Variants in MYO16 observed in about 807,000 individuals in gnomAD.
The protein encoded by MYO16 is unconventional myosin-XVI.
In MYO16, 94 loss-of-function variants were observed where a neutral mutation model predicts 205.3. That is an observed-to-expected ratio of 0.46 (90% CI 0.39 to 0.54). MYO16 has a LOEUF of 0.54. Ranked by LOEUF, MYO16 falls within the 20% of genes least tolerant of loss-of-function variation. MYO16 has a pLI of 0.00. For synonymous variants in MYO16, 988 were observed against 954.0 expected (o/e 1.04, Z -0.66); for missense variants, 2,315 against 2,387.5 (o/e 0.97, Z 0.63).
chr13:108,881,277 C>T (rs1259190405), intron 12 of MYO16, among the ~76,000 whole-genome samples: 1 of 152,164 alleles, frequency 6.6e-6, no homozygotes, highest in African/African-American at 2.4e-5. Context: ...CACACCAAAA[C>T]CCCATCTGTA....
intron 16 of MYO16, among the ~76,000 whole-genome samples, chr13:108,935,454 A>T (rs956092689): frequency 1.3e-5 from 2 of 152,304 alleles, no homozygotes; most frequent in Admixed American, 6.5e-5. Flanking sequence ...AGATTTTTCT[A>T]CATAACTTTC....
At chr13:108,554,716 G>A in the MYO16 span, among the ~76,000 whole-genome samples, 6 of 151,864 alleles carry the variant, frequency 4.0e-5, no homozygotes, top group East Asian at 1.9e-4. Flanking sequence ...CAGGAGTGGT[G>A]GCGGGCGCCT....
At chr13:109,113,295 G>A (rs1180266277) in intron 28 of MYO16, among the ~76,000 whole-genome samples, 4 of 150,096 alleles carry the variant, frequency 2.7e-5, no homozygotes, top group African/African-American at 9.9e-5. Context: ...GGAAGGTGAG[G>A]GAGGGAGGGA....
At chr13:109,011,678 C>T (rs562732066) in intron 22 of MYO16, among the ~76,000 whole-genome samples, 1 of 151,788 alleles carries the variant, frequency 6.6e-6, no homozygotes, top group Non-Finnish European at 1.5e-5. Flanking sequence ...CCACACCTGG[C>T]TAATTTTTGT....
intron 31 of MYO16, among the ~76,000 whole-genome samples, chr13:109,138,104 A>ATG (rs1434595049): frequency 6.6e-6 from 1 of 152,258 alleles, no homozygotes; most frequent in Admixed American, 6.5e-5. Flanking sequence ...ATAAAAGGTC[A>ATG]TGCTGAGATT....
In MYO16 at chr13:109,056,465, G is replaced by C. The variant is rs916946968; in HGVS notation, c.3335+870G>C. Among the ~76,000 whole-genome samples, 6 of 152,070 alleles carry C rather than the reference G, an allele frequency of 3.9e-5. No individual in the cohort carries two copies. The South Asian group carries it at 1.2e-3, about 32-fold the overall frequency. ...TGATGAATCCATTTTAAGTAAATTG[G>C]TTGATGGGTAGTAACTTAATTTACA... On this transcript the variant is annotated intron_variant, in intron 27 of 34. Coordinates refer to ENST00000457511, the MANE Select transcript of MYO16 (RefSeq NM_001198950.3).
At chr13:108,561,040 C>T in the MYO16 span, among the ~76,000 whole-genome samples, 1 of 152,048 alleles carries the variant, frequency 6.6e-6, no homozygotes, top group African/African-American at 2.4e-5. Flanking sequence ...TATTTGCTTC[C>T]TGTCTTTTCT....
chr13:108,961,654 A>C lies in MYO16; in HGVS notation c.2153A>C (p.Gln718Pro), dbSNP rs1883587630. The change falls in exon 18 of 35, where the codon CAA becomes CCA. Residue 718 changes from glutamine to proline, a missense_variant and splice_region_variant. By Grantham distance (76) the Gln-to-Pro change is moderately conservative (BLOSUM62 -1). This residue lies in a region of MYO16 where 1,213 missense variants were observed against 1,274.4 expected (regional missense o/e 0.95). Coordinates refer to ENST00000457511, the MANE Select transcript of MYO16 (RefSeq NM_001198950.3). ...GTTTCTGACCTCCAGCTCCTGGAAC[A>C]AGGTCAGTGGAACATGACCTTCTGA... ...AFVSDLQLLEQVAGMLQVSTD... is the reference protein window; with the variant it reads ...AFVSDLQLLEPVAGMLQVSTD... 1.2e-6 allele frequency: 2 copies of C among 1,609,146 alleles called. No individual in the cohort carries two copies. Among genetic ancestry groups the C allele is most frequent in the Non-Finnish European group, 1.7e-6 (2 of 1,175,520 alleles).
At chr13:108,586,885 G>T in the MYO16 span, among the ~76,000 whole-genome samples, 1 of 152,170 alleles carries the variant, frequency 6.6e-6, no homozygotes, top group African/African-American at 2.4e-5. Context: ...ATTCTGAAAA[G>T]CGCCTATTTT....
chr13:108,594,191 A>G (rs147361127), upstream of MYO16, among the ~76,000 whole-genome samples: 206 of 152,320 alleles, frequency 1.4e-3, 3 homozygotes, highest in Middle Eastern at 0.017. Flanking sequence ...CATGAGGCCA[A>G]TCATAGAACT....
the MYO16 span, among the ~76,000 whole-genome samples, chr13:108,559,125 T>C: frequency 6.6e-6 from 1 of 152,164 alleles, no homozygotes; most frequent in African/African-American, 2.4e-5. Flanking sequence ...TTTACAGATG[T>C]AATCAAGTTG....
intron 6 of MYO16, among the ~76,000 whole-genome samples, chr13:108,804,327 T>C (rs907857718): frequency 1.3e-5 from 2 of 152,204 alleles, no homozygotes; most frequent in African/African-American, 4.8e-5. Flanking sequence ...CTGCTGCTAG[T>C]TCACAGCAGA....
At position 109,055,422 on chromosome 13, in the gene MYO16, G is replaced by A; in HGVS notation, c.3162G>A (p.Gln1054=). The change falls in exon 27 of 35, where the codon CAG becomes CAA. Residue 1054 remains glutamine (Q), a synonymous_variant. Coordinates refer to ENST00000457511, the MANE Select transcript of MYO16 (RefSeq NM_001198950.3). The surrounding 1 kb of genome is among the most constrained non-coding windows in gnomAD (Gnocchi z 5.0). Reference sequence around the variant, plus strand: ...TAATGGATATTATTGGAAAACTTCAGAAGTGCACTCCACACTTCATTCATT... The same window carrying A: ...TAATGGATATTATTGGAAAACTTCAAAAGTGCACTCCACACTTCATTCATT... ...KSLMDIIGKL[Q]KCTPHFIHCI... The A allele has an allele frequency of 6.2e-6, 10 of 1,612,814 alleles. No individual in the cohort carries two copies. Among genetic ancestry groups the A allele is most frequent in the Non-Finnish European group, 8.5e-6 (10 of 1,179,334 alleles).
At chr13:109,122,733 A>C (rs553660074) in intron 29 of MYO16, among the ~76,000 whole-genome samples, 36 of 152,182 alleles carry the variant, frequency 2.4e-4, no homozygotes, top group African/African-American at 8.2e-4. Context: ...CAAGATAGAA[A>C]CCATAATCTC....
intron 3 of MYO16, among the ~76,000 whole-genome samples, chr13:108,713,830 A>T (rs1225269101): frequency 3.9e-5 from 6 of 152,208 alleles, no homozygotes; most frequent in Non-Finnish European, 8.8e-5. Context: ...GAGAGATTTC[A>T]AGGTAACGTT....
intron 2 of MYO16, among the ~76,000 whole-genome samples, chr13:108,697,868 G>A (rs548263666): frequency 8.6e-5 from 13 of 151,892 alleles, no homozygotes; most frequent in African/African-American, 2.4e-4. Context: ...GGCTACAGGC[G>A]TGCACCACCA....
intron 9 of MYO16, among the ~76,000 whole-genome samples, chr13:108,829,512 A>G (rs79790752): frequency 0.62 from 93,305 of 151,652 alleles, 29,547 homozygotes; most frequent in Middle Eastern, 0.72. Flanking sequence ...CTAATATCAT[A>G]AAAAACCAGC....
At chr13:108,904,875 G>A (rs1880886790) in intron 15 of MYO16, among the ~76,000 whole-genome samples, 1 of 152,038 alleles carries the variant, frequency 6.6e-6, no homozygotes, top group Non-Finnish European at 1.5e-5. Context: ...TCTTTTAAGG[G>A]TACTATAAAG....
At chr13:108,661,746 G>T (rs1881512398) in intron 1 of MYO16, among the ~76,000 whole-genome samples, 1 of 152,048 alleles carries the variant, frequency 6.6e-6, no homozygotes, top group Non-Finnish European at 1.5e-5. Flanking sequence ...GTCTCTCCCT[G>T]ATTAGCTTAA....
Sources: gnomAD v4.1 joint callset for allele counts (sites outside exome capture counted in the v4.1 genomes callset) on GRCh38, gnomAD v4.1.1 for gene constraint, gnomAD v4.1.1 regional missense constraint, Gnocchi (gnomAD v3.1) non-coding constraint, MANE v1.5 for transcripts, NCBI Gene and HGNC (gene_info 2026-07-23, HGNC 2026-07-21) for gene names.